PCDH15: variants seen among roughly 807,000 people sequenced by gnomAD.
The protein encoded by PCDH15 is protocadherin-15.
PCDH15 carries 129 observed loss-of-function variants against 178.5 expected under a neutral mutation model. The observed-to-expected ratio is 0.72, with a 90% confidence interval of 0.63 to 0.84. The LOEUF is 0.84. Among genes scored for constraint, PCDH15 ranks in the 40% least tolerant of loss-of-function variants. PCDH15 has a pLI of 0.00. For missense variants in PCDH15, 2,230 were observed against 2,099.9 expected (o/e 1.06, Z -1.21); for synonymous variants, 800 against 732.0 (o/e 1.09, Z -1.50).
chr10:55,215,529 G>A (rs1420350738), intron 1 of PCDH15, among the ~76,000 whole-genome samples: 1 of 151,974 alleles, frequency 6.6e-6, no homozygotes, highest in African/African-American at 2.4e-5. Context: ...CAACTTGTAT[G>A]TAATGAAAAC....
At chr10:54,853,448 T>TACAC in intron 3 of PCDH15, among the ~76,000 whole-genome samples, 1 of 135,692 alleles carries the variant, frequency 7.4e-6, no homozygotes, top group South Asian at 2.3e-4. Flanking sequence ...CACATATATA[T>TACAC]ATATACACAT....
chr10:55,222,229 C>T (rs1292919904), intron 1 of PCDH15, among the ~76,000 whole-genome samples: 1 of 151,784 alleles, frequency 6.6e-6, no homozygotes, highest in Non-Finnish European at 1.5e-5. Context: ...TGTGAAATGC[C>T]TCAAATATTA....
intron 4 of PCDH15, 37 bp from the exon 5 acceptor site, chr10:54,369,312 T>G (rs530794037): frequency 6.3e-7 from 1 of 1,596,134 alleles, no homozygotes; most frequent in African/African-American, 1.3e-5. Flanking sequence ...AAATACTAAT[T>G]AAAAACAAAG....
intron 21 of PCDH15, among the ~76,000 whole-genome samples, chr10:53,964,792 G>T (rs2088815359): frequency 6.6e-6 from 1 of 152,060 alleles, no homozygotes; most frequent in African/African-American, 2.4e-5. Context: ...GGCCTATATG[G>T]ACAGAATCAG....
chr10:55,105,350 C>T lies in PCDH15; in HGVS notation c.-80+61226G>A, dbSNP rs552746350. Among the ~76,000 whole-genome samples, 57 of 151,966 alleles carry T rather than the reference C, an allele frequency of 3.8e-4. 1 individual carries two copies. The highest frequency in any genetic ancestry group is 7.2e-4 in the Non-Finnish European group (49 of 68,002). On this transcript the variant is annotated intron_variant, in intron 2 of 5. Coordinates refer to the PCDH15 transcript ENST00000458638. ...AAATACATTTATTGGAAAAAAATCACATATTATTGGGCCTGCATATTTCAA... is the reference window on the plus strand; with the variant it reads ...AAATACATTTATTGGAAAAAAATCATATATTATTGGGCCTGCATATTTCAA...
chr10:53,808,675 A>T (rs576010485), intron 37 of PCDH15: 2 of 1,606,632 alleles, frequency 1.2e-6, no homozygotes, highest in Non-Finnish European at 1.7e-6. Context: ...CAAAACTTCC[A>T]CCTACTGTGA....
intron 2 of PCDH15, among the ~76,000 whole-genome samples, chr10:55,593,263 A>G (rs1301315018): frequency 6.6e-6 from 1 of 152,030 alleles, no homozygotes; most frequent in Admixed American, 6.6e-5. Flanking sequence ...CAGTTTTGAA[A>G]CTTCCGAAAA....
chr10:53,830,043 C>T (rs538236878), intron 30 of PCDH15, among the ~76,000 whole-genome samples: 2 of 152,230 alleles, frequency 1.3e-5, no homozygotes, highest in East Asian at 3.9e-4. Flanking sequence ...GTGGCTCACA[C>T]CTGTAATCCC....
intron 25 of PCDH15, among the ~76,000 whole-genome samples, chr10:53,935,144 A>G (rs913526020): frequency 6.6e-6 from 1 of 152,052 alleles, no homozygotes; most frequent in African/African-American, 2.4e-5. Flanking sequence ...TAATGCTTCA[A>G]AGAATAAGAA....
At chr10:55,484,616 C>A (rs552826078) in intron 2 of PCDH15, among the ~76,000 whole-genome samples, 1 of 151,592 alleles carries the variant, frequency 6.6e-6, no homozygotes, top group Non-Finnish European at 1.5e-5. Flanking sequence ...AACAAAGAGA[C>A]AGCAAACTAC....
chr10:55,156,344 C>T (rs554631570), intron 2 of PCDH15, among the ~76,000 whole-genome samples: 3 of 152,108 alleles, frequency 2.0e-5, no homozygotes, highest in Non-Finnish European at 4.4e-5. Context: ...GAGGATATTA[C>T]ATGTACTGAT....
At chr10:54,795,802 C>T (rs1403423560) in intron 1 of PCDH15, among the ~76,000 whole-genome samples, 1 of 151,454 alleles carries the variant, frequency 6.6e-6, no homozygotes, top group Non-Finnish European at 1.5e-5. Context: ...TTTAACTTGA[C>T]CTCTGATGCC....
intron 1 of PCDH15, among the ~76,000 whole-genome samples, chr10:55,295,272 T>C (rs932419743): frequency 6.6e-6 from 1 of 152,202 alleles, no homozygotes; most frequent in Non-Finnish European, 1.5e-5. Context: ...TAAAAATACA[T>C]CAAAAGCAAA....
intron 1 of PCDH15, among the ~76,000 whole-genome samples, chr10:54,750,534 CA>C (rs1418404418): frequency 6.6e-6 from 1 of 152,000 alleles, no homozygotes; most frequent in Admixed American, 6.6e-5. Context: ...AATCTATTTT[CA>C]AGTTGAAAGT....
chr10:53,877,977 T>C (rs953549713), intron 26 of PCDH15, among the ~76,000 whole-genome samples: 1 of 152,088 alleles, frequency 6.6e-6, no homozygotes, highest in African/African-American at 2.4e-5. Context: ...ACAAGTCCTT[T>C]AAATATTCTC....
intron 1 of PCDH15, among the ~76,000 whole-genome samples, chr10:54,775,502 T>G (rs1324596876): frequency 6.6e-6 from 1 of 152,242 alleles, no homozygotes; most frequent in African/African-American, 2.4e-5. Context: ...TAGTATCTTC[T>G]AGCTATTTAA....
chr10:54,288,956 G>C (rs1009080476), intron 8 of PCDH15, among the ~76,000 whole-genome samples: 1 of 152,228 alleles, frequency 6.6e-6, no homozygotes, highest in South Asian at 2.1e-4. Flanking sequence ...ACAAAAAGCA[G>C]CAGGCAACTT....
chr10:55,471,652 C>T (rs555937783), intron 2 of PCDH15, among the ~76,000 whole-genome samples: 14 of 152,260 alleles, frequency 9.2e-5, no homozygotes, highest in Admixed American at 5.2e-4. Context: ...CCACCTGCCT[C>T]GGTTGGGTAG....
At chr10:53,825,219 T>A in intron 32 of PCDH15, 1 of 1,446,960 alleles carries the variant, frequency 6.9e-7, no homozygotes, top group South Asian at 1.5e-5. Context: ...TTAAAACAAT[T>A]CTGAAAATAT....
Sources: gnomAD v4.1 joint callset for allele counts (sites outside exome capture counted in the v4.1 genomes callset) on GRCh38, gnomAD v4.1.1 for gene constraint, MANE v1.5 for transcripts, NCBI Gene and HGNC (gene_info 2026-07-23, HGNC 2026-07-21) for gene names.